C9orf43: variants seen among roughly 807,000 people sequenced by gnomAD.
C9orf43 encodes the protein uncharacterized protein C9orf43.
In C9orf43, 45 loss-of-function variants were observed where a neutral mutation model predicts 59.1. The observed-to-expected ratio is 0.76, with a 90% CI of 0.60 to 0.98. C9orf43 has a LOEUF of 0.98. Among genes scored for constraint, C9orf43 ranks in the 50% least tolerant of loss-of-function variants. The pLI, the probability that C9orf43 is intolerant of heterozygous loss-of-function variation, is 0.00. For synonymous variants in C9orf43, 203 were observed against 196.8 expected (o/e 1.03, Z -0.26); for missense variants, 533 against 554.9 (o/e 0.96, Z 0.40).
At chr9:113,425,576 T>G in intron 10 of C9orf43, 67 bp from the exon 11 acceptor site, 1 of 1,548,398 alleles carries the variant, frequency 6.5e-7, no homozygotes, top group Non-Finnish European at 8.8e-7. Context: ...CTTTTTGATA[T>G]TCCTTTTGAA....
At position 113,424,999 on chromosome 9, in the gene C9orf43, T is replaced by A; in HGVS notation, c.808-20T>A. 1 of 1,605,296 alleles carries A rather than the reference T, an allele frequency of 6.2e-7. No individual in the cohort carries two copies. Among genetic ancestry groups the A allele is most frequent in the African/African-American group, 1.3e-5 (1 of 74,872 alleles). ...AAAGACCTGCAGTAGAGCTTTTCTT[T>A]TTCTTTTTTCTTTCTCCAGAGACCA... On this transcript the variant is annotated intron_variant, in intron 8 of 13. Transcript: ENST00000374165.
rs1828659589 is a variant in C9orf43 at position 113,423,369 on chromosome 9, G to A, written c.527G>A (p.Gly176Glu). The A allele has an allele frequency of 6.2e-7, 1 of 1,613,966 alleles. No individual in the cohort carries two copies. Among genetic ancestry groups the A allele is most frequent in the African/African-American group, 1.3e-5 (1 of 74,904 alleles). ...FLGLSGNQSA[G>E]TRVGTPGMIV... The stretch of plus-strand genomic sequence containing the variant: ...GGTCTCTCTGGAAATCAGTCCGCAG[G>A]AACACGAGTAGGAACACCAGGGATG... Residue 176 changes from glycine to glutamate, a missense_variant, in exon 7 of 14, where the codon GGA becomes GAA. Physicochemically the swap from Gly to Glu is moderately conservative, Grantham distance 98 (BLOSUM62 -2). Coordinates refer to ENST00000374165, the MANE Select transcript of C9orf43 (RefSeq NM_001278629.2).
At chr9:113,424,064 C>G in intron 7 of C9orf43, 102 bp from the exon 8 acceptor site, 2 of 1,411,502 alleles carry the variant, frequency 1.4e-6, no homozygotes, top group Non-Finnish European at 1.9e-6. Flanking sequence ...TTTTCAGACC[C>G]AAAGTGGAAA....
chr9:113,429,005 A>G (rs781237508), intron 13 of C9orf43, 42 bp downstream of exon 13: 9 of 1,564,502 alleles, frequency 5.8e-6, no homozygotes, highest in Non-Finnish European at 7.9e-6. Flanking sequence ...GTGACTGAGG[A>G]TAGGGAGAGT....
intron 1 of C9orf43, among the ~76,000 whole-genome samples, chr9:113,411,876 C>T (rs1375551104): frequency 4.6e-5 from 7 of 152,070 alleles, no homozygotes; most frequent in Non-Finnish European, 8.8e-5. Flanking sequence ...CAGGGTTTCA[C>T]CATGTTGCCC....
In C9orf43 at chr9:113,424,096, T is replaced by C. The variant is rs1163473305; in HGVS notation, c.657-70T>C. ...GAAATTTCTTGGAGCCCTTTACATC[T>C]CTTTCTCCTCAGCCATGCTTTCCGG... On this transcript the variant is annotated intron_variant, in intron 7 of 13. Coordinates refer to ENST00000374165, the MANE Select transcript of C9orf43 (RefSeq NM_001278629.2). The C allele has an allele frequency of 2.2e-5, 34 of 1,512,278 alleles. No individual in the cohort carries two copies. In the South Asian group the frequency reaches 2.3e-4, roughly 10 times the overall value. 93.7% of individuals were successfully genotyped at this position (1,512,278 alleles called of 1,614,324 possible).
At chr9:113,411,252 C>A in intron 1 of C9orf43, 3 of 393,292 alleles carry the variant, frequency 7.6e-6, no homozygotes, top group Non-Finnish European at 1.0e-5. Flanking sequence ...AATTGTTCAT[C>A]ATACATTTTT....
chr9:113,421,738 G>A (rs1828582565), intron 5 of C9orf43, among the ~76,000 whole-genome samples: 1 of 152,154 alleles, frequency 6.6e-6, no homozygotes, highest in Admixed American at 6.5e-5. Flanking sequence ...GTTCTTAAGT[G>A]ACATTTAGAG....
intron 3 of C9orf43, among the ~76,000 whole-genome samples, chr9:113,414,441 A>T (rs1370173037): frequency 7.1e-6 from 1 of 140,022 alleles, no homozygotes; most frequent in Non-Finnish European, 1.6e-5. Context: ...CGCCTGGTTA[A>T]TTTTTTTTTT....
chr9:113,413,967 A>G, intron 3 of C9orf43, 73 bp downstream of exon 3: 2 of 1,476,618 alleles, frequency 1.4e-6, no homozygotes, highest in South Asian at 2.7e-5. Context: ...CTTATCCATT[A>G]GTATACTTTG....
chr9:113,416,058 C>T (rs1828344877), intron 3 of C9orf43, among the ~76,000 whole-genome samples: 1 of 152,202 alleles, frequency 6.6e-6, no homozygotes, highest in Non-Finnish European at 1.5e-5. Flanking sequence ...AGAGCTGCCT[C>T]CTCTAGTCAT....
rs377763348 is a variant in C9orf43 at position 113,429,430 on chromosome 9, C to T, written c.*44C>T. The T allele has an allele frequency of 5.5e-5, 87 of 1,572,396 alleles. No homozygotes were observed. Among genetic ancestry groups the T allele is most frequent in the South Asian group, 4.5e-4 (40 of 89,408 alleles). The stretch of plus-strand genomic sequence containing the variant: ...GACTGAAGGCATCCCCTGGGGCAGC[C>T]GTGTTCCAAAGCGGGATGGCTGGTA... On this transcript the variant is annotated 3_prime_UTR_variant, in exon 14 of 14. Coordinates refer to ENST00000374165, the MANE Select transcript of C9orf43 (RefSeq NM_001278629.2).
intron 3 of C9orf43, among the ~76,000 whole-genome samples, chr9:113,416,878 A>C (rs2119066654): frequency 6.6e-6 from 1 of 152,238 alleles, no homozygotes; most frequent in Non-Finnish European, 1.5e-5. Flanking sequence ...CTCGGGGCAA[A>C]ATTGCCCCCT....
chr9:113,413,432 G>T lies in C9orf43; in HGVS notation c.-49-13G>T. ...TATAATACTCCCTAATTATGTAGCTGTTGATTTTCCAGAGCACTAGAATGC... is the reference window on the plus strand; with the variant it reads ...TATAATACTCCCTAATTATGTAGCTTTTGATTTTCCAGAGCACTAGAATGC... On this transcript the variant is annotated splice_polypyrimidine_tract_variant and intron_variant, in intron 1 of 13. Transcript: ENST00000374165. 6.4e-7 allele frequency: 1 copy of T among 1,566,274 alleles called. No individual in the cohort carries two copies.
intron 3 of C9orf43, among the ~76,000 whole-genome samples, chr9:113,414,103 C>T (rs761665144): frequency 2.0e-5 from 3 of 152,106 alleles, no homozygotes; most frequent in Admixed American, 6.5e-5. Context: ...TATATTGGTT[C>T]GGTAGGGCTG....
chr9:113,416,022 C>A (rs771977353), intron 3 of C9orf43, among the ~76,000 whole-genome samples: 14 of 152,196 alleles, frequency 9.2e-5, no homozygotes, highest in Non-Finnish European at 2.1e-4. Flanking sequence ...CTGCCATGCC[C>A]GCCATGTATA....
rs1460205081 is a variant in C9orf43, at chr9:113,422,597, GT to G, written c.483+17del. 6.2e-7 allele frequency: 1 copy of G among 1,613,756 alleles called. No homozygotes were observed. The highest frequency in any genetic ancestry group is 1.3e-5 in the African/African-American group (1 of 75,000). On this transcript the variant is annotated intron_variant, in intron 6 of 13. Coordinates refer to ENST00000374165, the MANE Select transcript of C9orf43 (RefSeq NM_001278629.2). Reference sequence around the variant, plus strand: ...AGAACTCGGCAGTGGTGAGTTTGATGTTTTTGTGCAAACCTTTATAATATTG... The same window carrying G: ...AGAACTCGGCAGTGGTGAGTTTGATGTTTTGTGCAAACCTTTATAATATTG...
chr9:113,420,588 A>G (rs1828526036), intron 4 of C9orf43, among the ~76,000 whole-genome samples: 1 of 151,918 alleles, frequency 6.6e-6, no homozygotes. Context: ...GATTTATAAG[A>G]TTTCCTTGAG....
chr9:113,422,336 TC>T (rs1473766154), intron 5 of C9orf43, among the ~76,000 whole-genome samples: 2 of 151,828 alleles, frequency 1.3e-5, no homozygotes, highest in Non-Finnish European at 2.9e-5. Flanking sequence ...GGATGGGGGG[TC>T]TTTTTAGCAG....
Sources: allele counts gnomAD v4.1 joint callset (sites outside exome capture counted in the v4.1 genomes callset), GRCh38; gene constraint gnomAD v4.1.1; transcripts MANE v1.5; gene names NCBI Gene and HGNC (gene_info 2026-07-23, HGNC 2026-07-21).